PPM1E: variants seen among roughly 807,000 people sequenced by gnomAD.
The protein encoded by PPM1E is protein phosphatase, Mg2+/Mn2+ dependent 1E.
In PPM1E, 20 loss-of-function variants were observed where a neutral mutation model predicts 65.9. The observed-to-expected ratio is 0.30, with a 90% CI of 0.21 to 0.44. The LOEUF (loss-of-function observed/expected upper bound fraction) is 0.44. PPM1E is among the 20% of genes least tolerant of loss of function. PPM1E has a pLI of 1.00. For synonymous variants in PPM1E, 352 were observed against 374.9 expected, an observed-to-expected ratio of 0.94 and a Z score of 0.70; for missense variants, 713 against 953.1, an observed-to-expected ratio of 0.75 and a Z score of 3.32.
At chr17:58,764,122 T>A (rs2049850354) in intron 1 of PPM1E, among the ~76,000 whole-genome samples, 1 of 151,798 alleles carries the variant, frequency 6.6e-6, no homozygotes, top group South Asian at 2.1e-4. Flanking sequence ...TAATAAAATA[T>A]TTTATATTTT....
At chr17:58,756,711 G>A (rs1172552468) in intron 1 of PPM1E, among the ~76,000 whole-genome samples, 2 of 151,452 alleles carry the variant, frequency 1.3e-5, no homozygotes, top group African/African-American at 4.8e-5. Flanking sequence ...GCTCTCCTGA[G>A]CCCCGGCGCC....
chr17:58,868,826 G>A (rs947221009), intron 1 of PPM1E, among the ~76,000 whole-genome samples: 4 of 152,016 alleles, frequency 2.6e-5, no homozygotes, highest in African/African-American at 9.7e-5. Flanking sequence ...CTGGTGCATT[G>A]TTTCTTTATT....
intron 1 of PPM1E, among the ~76,000 whole-genome samples, chr17:58,766,999 C>T (rs547584500): frequency 6.6e-6 from 1 of 152,188 alleles, no homozygotes; most frequent in South Asian, 2.1e-4. Context: ...TGTTTCAAAA[C>T]AAAAACAGTT....
intron 3 of PPM1E, among the ~76,000 whole-genome samples, chr17:58,968,564 G>A (rs1349628314): frequency 6.6e-6 from 1 of 152,178 alleles, no homozygotes; most frequent in Non-Finnish European, 1.5e-5. Flanking sequence ...AAGAATCAAT[G>A]ACAGGCCTGG....
chr17:58,906,067 T>A (rs1440575081), intron 1 of PPM1E, among the ~76,000 whole-genome samples: 1 of 152,220 alleles, frequency 6.6e-6, no homozygotes, highest in Non-Finnish European at 1.5e-5. Context: ...TTGATTCATT[T>A]CATCTAAGTT....
intron 1 of PPM1E, among the ~76,000 whole-genome samples, chr17:58,830,999 TTTATC>T (rs1294935300): frequency 2.3e-5 from 3 of 131,052 alleles, no homozygotes; most frequent in Non-Finnish European, 4.9e-5. Flanking sequence ...TGTGACTTAC[TTTATC>T]TTTTTTTTTT....
Position 58,756,093 on chromosome 17 carries a change from G to GAA in PPM1E, c.96_97insAA (p.Pro33AsnfsTer23). On this transcript the variant is annotated frameshift_variant, in exon 1 of 7. Coordinates refer to ENST00000308249, the MANE Select transcript of PPM1E (RefSeq NM_014906.5). LOFTEE classifies it high-confidence loss of function. ...GACCGTGCGGCGGCGGCGAGCCGGA[G>GAA]CCGGAACCCGAACCCGAACCCGAAC... The GAA allele has an allele frequency of 7.6e-7, 1 of 1,323,038 alleles. No homozygotes were observed. The highest frequency in any genetic ancestry group is 1.3e-5 in the South Asian group (1 of 76,456). The allele number at this position is 1,323,038 out of a possible 1,614,324, so 82.0% of individuals were successfully genotyped here.
At chr17:58,779,422 C>T (rs1331039459) in intron 1 of PPM1E, among the ~76,000 whole-genome samples, 1 of 152,086 alleles carries the variant, frequency 6.6e-6, no homozygotes, top group Non-Finnish European at 1.5e-5. Flanking sequence ...ATCTGCCCGC[C>T]TCAGCCTCCC....
intron 6 of PPM1E, among the ~76,000 whole-genome samples, chr17:58,977,163 G>A (rs2031053517): frequency 6.6e-6 from 1 of 152,014 alleles, no homozygotes; most frequent in Non-Finnish European, 1.5e-5. Context: ...AATGAATGAG[G>A]GCTGGGCGCG....
At chr17:58,858,005 A>C (rs1054389333) in intron 1 of PPM1E, among the ~76,000 whole-genome samples, 12 of 152,232 alleles carry the variant, frequency 7.9e-5, no homozygotes, top group Admixed American at 3.9e-4. Context: ...ATGTCACCCA[A>C]AGAATTAAGA....
At chr17:58,929,631 A>G (rs1454835464) in intron 1 of PPM1E, among the ~76,000 whole-genome samples, 1 of 152,206 alleles carries the variant, frequency 6.6e-6, no homozygotes, top group African/African-American at 2.4e-5. Flanking sequence ...TGTTTACTGT[A>G]AAATCATTTT....
At chr17:58,972,019 CATT>C in intron 4 of PPM1E, 110 bp from the exon 5 acceptor site, 1 of 990,480 alleles carries the variant, frequency 1.0e-6, no homozygotes, top group African/African-American at 1.6e-5. Context: ...TGTGAAATTC[CATT>C]ATTAATAGTA....
chr17:58,799,080 G>A (rs1397235792), intron 1 of PPM1E, among the ~76,000 whole-genome samples: 1 of 152,062 alleles, frequency 6.6e-6, no homozygotes, highest in Non-Finnish European at 1.5e-5. Flanking sequence ...AAAGCTTAAG[G>A]TTCATTTATT....
intron 1 of PPM1E, among the ~76,000 whole-genome samples, chr17:58,769,952 A>G (rs1419566780): frequency 6.6e-6 from 1 of 152,066 alleles, no homozygotes; most frequent in African/African-American, 2.4e-5. Flanking sequence ...GCTTGAGCCC[A>G]GGAGGTGGAG....
chr17:58,834,488 G>A (rs1052198398), intron 1 of PPM1E, among the ~76,000 whole-genome samples: 1 of 152,116 alleles, frequency 6.6e-6, no homozygotes, highest in Non-Finnish European at 1.5e-5. Context: ...AGGTCACACA[G>A]AGTTTCTCTT....
At chr17:58,768,670 A>T (rs2049906443) in intron 1 of PPM1E, among the ~76,000 whole-genome samples, 6 of 152,208 alleles carry the variant, frequency 3.9e-5, no homozygotes, top group Admixed American at 3.3e-4. Flanking sequence ...TTTTATTTTT[A>T]TTTTATTTTA....
intron 1 of PPM1E, among the ~76,000 whole-genome samples, chr17:58,852,741 C>A (rs1217297799): frequency 6.6e-6 from 1 of 151,686 alleles, no homozygotes; most frequent in African/African-American, 2.4e-5. Flanking sequence ...GTAGCTGGGA[C>A]TACAGGTGCA....
intron 1 of PPM1E, among the ~76,000 whole-genome samples, chr17:58,765,258 A>C (rs11657895): frequency 6.6e-6 from 1 of 151,126 alleles, no homozygotes; most frequent in African/African-American, 2.4e-5. Flanking sequence ...GCTCACTGCA[A>C]CTTCCAACTT....
At chr17:58,905,687 T>C (rs998906970) in intron 1 of PPM1E, among the ~76,000 whole-genome samples, 2 of 152,134 alleles carry the variant, frequency 1.3e-5, no homozygotes, top group Admixed American at 1.3e-4. Flanking sequence ...TCTTGTAACA[T>C]CTTTGTTGGG....
Sources: allele counts gnomAD v4.1 joint callset (sites outside exome capture counted in the v4.1 genomes callset), GRCh38; gene constraint gnomAD v4.1.1; transcripts MANE v1.5; gene names NCBI Gene and HGNC (gene_info 2026-07-23, HGNC 2026-07-21).